Variants in GPBP1 observed in about 807,000 individuals in gnomAD.
The protein encoded by GPBP1 is GC-rich promoter binding protein 1, also known as vasculin.
GPBP1 carries 13 observed loss-of-function variants against 56.5 expected under a neutral mutation model. The ratio of observed to expected loss-of-function variants is 0.23; its 90% CI spans 0.15 to 0.37. The LOEUF (loss-of-function observed/expected upper bound fraction) is 0.37. Ranked by LOEUF, GPBP1 falls within the 10% of genes least tolerant of loss-of-function variation. The pLI is 1.00. For missense variants in GPBP1, 477 were observed against 572.3 expected (o/e 0.83, Z 1.70); for synonymous variants, 204 against 188.9 (o/e 1.08, Z -0.66).
In GPBP1 at chr5:57,251,032, G is replaced by A. The variant is rs1171066961; in HGVS notation, c.1051G>A (p.Glu351Lys). 4 of 1,612,434 alleles carry A rather than the reference G, an allele frequency of 2.5e-6. No homozygotes were observed. In the South Asian group the frequency reaches 3.3e-5, roughly 13 times the overall value. ...TATAAACCGAAACTTCGATGAAAAT[G>A]AAATTCCTCAAGAGAATGGCAATGC... is the stretch of plus-strand genomic sequence containing the variant. The part of the protein sequence containing the change: ...RDINRNFDEN[E>K]IPQENGNASV... The change falls in exon 10 of 12, where the codon GAA becomes AAA. Residue 351 changes from glutamate to lysine, a missense_variant. Around this residue, in one of 2 missense-constraint regions of GPBP1, gnomAD observed 414 missense variants for 458.2 expected, o/e 0.90. Coordinates refer to ENST00000506184, the MANE Select transcript of GPBP1 (RefSeq NM_022913.4).
At chr5:57,243,734 C>G (rs1251630828) in intron 6 of GPBP1, among the ~76,000 whole-genome samples, 1 of 151,582 alleles carries the variant, frequency 6.6e-6, no homozygotes, top group Non-Finnish European at 1.5e-5. Flanking sequence ...GTGGCCCAGA[C>G]TGGAGTACAG....
At chr5:57,260,555 C>T (rs1490811019) in intron 10 of GPBP1, among the ~76,000 whole-genome samples, 1 of 152,152 alleles carries the variant, frequency 6.6e-6, no homozygotes, top group African/African-American at 2.4e-5. Flanking sequence ...AACATGTTAT[C>T]ACAAGTTAGC....
At chr5:57,204,486 G>A (rs1300555408) in intron 2 of GPBP1, among the ~76,000 whole-genome samples, 1 of 152,018 alleles carries the variant, frequency 6.6e-6, no homozygotes, top group Admixed American at 6.6e-5. Flanking sequence ...TCCTGGATTC[G>A]GGCGATACCC....
intron 2 of GPBP1, among the ~76,000 whole-genome samples, chr5:57,190,171 A>T (rs1401773891): frequency 6.7e-6 from 1 of 148,366 alleles, no homozygotes; most frequent in African/African-American, 2.4e-5. Flanking sequence ...ACTTTTTTTT[A>T]GGGGGGGGAT....
intron 3 of GPBP1, among the ~76,000 whole-genome samples, chr5:57,217,632 A>AG (rs753087734): frequency 6.6e-5 from 10 of 152,344 alleles, no homozygotes; most frequent in Non-Finnish European, 1.3e-4. Context: ...ATCTACCTGT[A>AG]ACTGTCTAGA....
intron 8 of GPBP1, chr5:57,248,788 G>A (rs1741224769): frequency 6.6e-6 from 1 of 152,158 alleles, no homozygotes; most frequent in Admixed American, 6.5e-5. Flanking sequence ...ATTCCTAGCT[G>A]CTTAATTCTG....
In GPBP1 at chr5:57,231,164, A is replaced by G. The variant is rs1756441390; in HGVS notation, c.254A>G (p.Asn85Ser). Residue 85 changes from asparagine to serine, a missense_variant, in exon 5 of 12, where the codon AAT (asparagine) becomes AGT (serine). This residue lies in a region of GPBP1 where 414 missense variants were observed against 458.2 expected (regional missense o/e 0.90). Coordinates refer to ENST00000506184, the MANE Select transcript of GPBP1 (RefSeq NM_022913.4). ...GGAAGAAATGGTACAGAAAACATAA[A>G]TCATCGAGGTGGATACCATGGTGGA... is the stretch of plus-strand genomic sequence containing the variant. ...THGRNGTENI[N>S]HRGGYHGGSS... The G allele has an allele frequency of 1.2e-6, 2 of 1,614,222 alleles. No homozygotes were observed. Among genetic ancestry groups the G allele is most frequent in the African/African-American group, 1.3e-5 (1 of 75,064 alleles).
intron 6 of GPBP1, among the ~76,000 whole-genome samples, chr5:57,241,019 T>A (rs886582196): frequency 6.6e-6 from 1 of 152,058 alleles, no homozygotes; most frequent in Non-Finnish European, 1.5e-5. Flanking sequence ...TATTTGGTCA[T>A]GTCACAGGTG....
intron 2 of GPBP1, among the ~76,000 whole-genome samples, chr5:57,180,288 G>T (rs538201957): frequency 6.6e-6 from 1 of 152,068 alleles, no homozygotes; most frequent in East Asian, 1.9e-4. Flanking sequence ...CTAATTTTTT[G>T]TATTTTTTGT....
At chr5:57,254,792 A>T (rs779744788) in intron 10 of GPBP1, among the ~76,000 whole-genome samples, 1 of 152,198 alleles carries the variant, frequency 6.6e-6, no homozygotes, top group African/African-American at 2.4e-5. Flanking sequence ...ATTTAGCTAG[A>T]TTAATTTATA....
chr5:57,233,743 C>T (rs1014552829), intron 5 of GPBP1, among the ~76,000 whole-genome samples: 2 of 151,988 alleles, frequency 1.3e-5, no homozygotes, highest in East Asian at 3.9e-4. Context: ...TCAGGTGGCA[C>T]AGATGGAAGA....
chr5:57,209,179 C>A (rs895498940), intron 2 of GPBP1, among the ~76,000 whole-genome samples: 1 of 151,960 alleles, frequency 6.6e-6, no homozygotes, highest in African/African-American at 2.4e-5. Flanking sequence ...ATCTTGGCAG[C>A]GTTCCTGAAT....
At chr5:57,251,196 AT>A in intron 10 of GPBP1, 55 bp downstream of exon 10, 1 of 1,418,236 alleles carries the variant, frequency 7.1e-7, no homozygotes, top group African/African-American at 1.4e-5. Flanking sequence ...AGATTTCAAT[AT>A]TATAGAGTTT....
intron 3 of GPBP1, among the ~76,000 whole-genome samples, chr5:57,223,784 T>G (rs916653134): frequency 6.7e-6 from 1 of 149,022 alleles, no homozygotes; most frequent in Non-Finnish European, 1.5e-5. Context: ...TAAAATTATA[T>G]ATATAATTTT....
chr5:57,183,428 T>G (rs1490887191), intron 2 of GPBP1, among the ~76,000 whole-genome samples: 2 of 152,114 alleles, frequency 1.3e-5, no homozygotes, highest in Non-Finnish European at 2.9e-5. Flanking sequence ...TTATCCTTTC[T>G]CCGAAACTGA....
chr5:57,196,009 T>TAAAAAAAAAAAA (rs1561330296), intron 2 of GPBP1, among the ~76,000 whole-genome samples: 9 of 120,946 alleles, frequency 7.4e-5, no homozygotes, highest in African/African-American at 3.1e-4. Context: ...AAAAAAAATT[T>TAAAAAAAAAAAA]TTTTTTTTTG....
At chr5:57,243,995 C>G (rs2111910205) in intron 6 of GPBP1, among the ~76,000 whole-genome samples, 1 of 152,250 alleles carries the variant, frequency 6.6e-6, no homozygotes, top group Non-Finnish European at 1.5e-5. Context: ...AGCCTACTTC[C>G]TGGATCTGAT....
At chr5:57,257,575 A>AC (rs1263647892) in intron 10 of GPBP1, among the ~76,000 whole-genome samples, 1 of 152,172 alleles carries the variant, frequency 6.6e-6, no homozygotes, top group African/African-American at 2.4e-5. Flanking sequence ...TGACTTGGGT[A>AC]CCAGTCAGAG....
Position 57,176,169 on chromosome 5 carries a change from CTT to C in GPBP1, c.-287_-286del, listed in dbSNP as rs1175056655. 2.5e-6 allele frequency: 1 copy of C among 394,972 alleles called. No homozygotes were observed. The highest frequency in any genetic ancestry group is 4.5e-6 in the Non-Finnish European group (1 of 224,418). The allele number at this position is 394,972 out of a possible 1,614,324, so 24.5% of individuals were successfully genotyped here. ...CAAGTACATGGAATAATAAAGAAGA[CTT>C]TGATCTTAAATCTAAAGAACTTGGC... is the stretch of plus-strand genomic sequence containing the variant. On this transcript the variant is annotated 5_prime_UTR_variant, in exon 2 of 12. Transcript: ENST00000506184.
Sources: gnomAD v4.1 joint callset for allele counts (sites outside exome capture counted in the v4.1 genomes callset) on GRCh38, gnomAD v4.1.1 for gene constraint, gnomAD v4.1.1 regional missense constraint, MANE v1.5 for transcripts, NCBI Gene and HGNC (gene_info 2026-07-23, HGNC 2026-07-21) for gene names.